GNAI2: variants seen among roughly 807,000 people sequenced by gnomAD.
GNAI2 encodes guanine nucleotide-binding protein G(i) subunit alpha-2.
A neutral mutation model predicts 36.8 loss-of-function variants in GNAI2; 4 were observed. The ratio of observed to expected loss-of-function variants is 0.11; its 90% confidence interval spans 0.05 to 0.25. GNAI2 has a LOEUF of 0.25. GNAI2 is among the 10% of genes least tolerant of loss of function. The pLI, the probability that GNAI2 is intolerant of heterozygous loss-of-function variation, is 1.00. For missense variants in GNAI2, 230 were observed against 481.3 expected (o/e 0.48, Z 4.89); for synonymous variants, 194 against 194.1 (o/e 1.00, Z 0.01).
chr3:50,233,850 A>G (rs1553700008), upstream of GNAI2, among the ~76,000 whole-genome samples: 1 of 151,470 alleles, frequency 6.6e-6, no homozygotes, highest in Non-Finnish European at 1.5e-5. Context: ...GAGAACAGCC[A>G]GCCTGGGGAT....
At chr3:50,229,936 G>A (rs1410249157), upstream of GNAI2, 1 of 152,282 alleles carries the variant, frequency 6.6e-6, no homozygotes, top group Non-Finnish European at 1.5e-5. Context: ...TGGTTGAACA[G>A]ATGACCCCTT....
At position 50,247,357 on chromosome 3, in the gene GNAI2, G is replaced by A. The variant is rs186599092; in HGVS notation, c.119-4743G>A. 5.3e-3 allele frequency among the ~76,000 whole-genome samples: 800 copies of A among 152,340 alleles called. 7 individuals are homozygous for A. Among genetic ancestry groups the A allele is most frequent in the African/African-American group, 0.018 (751 of 41,576 alleles). ...GGATCTGAAAATGGGAGGCAGGCTG[G>A]CTGGCTGCTTGAGGCTTGACAGCTC... On this transcript the variant is annotated intron_variant, in intron 1 of 8. Coordinates refer to ENST00000313601, the MANE Select transcript of GNAI2 (RefSeq NM_002070.4).
chr3:50,237,238 C>T (rs901458272), intron 1 of GNAI2, among the ~76,000 whole-genome samples: 1 of 152,218 alleles, frequency 6.6e-6, no homozygotes, highest in Non-Finnish European at 1.5e-5. Flanking sequence ...TATGCAGAAC[C>T]CCCACGGGGC....
In GNAI2 at chr3:50,242,511, G is replaced by C. The variant is rs1700320246; in HGVS notation, c.118+6058G>C. ...GTGTCCCTGGTACCTGATGCTCTCA[G>C]GCAGCCCTTCCCTCAGCTACAGGTG... On this transcript the variant is annotated intron_variant, in intron 1 of 8. Coordinates refer to ENST00000313601, the MANE Select transcript of GNAI2 (RefSeq NM_002070.4). This position sits in a 1 kb window ranked among gnomAD's most constrained non-coding sequence, Gnocchi z 4.8. Among the ~76,000 whole-genome samples, 2 of 152,100 alleles carry C rather than the reference G, an allele frequency of 1.3e-5. No individual in the cohort carries two copies. Among genetic ancestry groups the C allele is most frequent in the Non-Finnish European group, 2.9e-5 (2 of 68,014 alleles).
In GNAI2 at chr3:50,255,154, G is replaced by A. The variant is rs1290706017; in HGVS notation, c.465-1038G>A. Among the ~76,000 whole-genome samples, 1 of 152,194 alleles carries A rather than the reference G, an allele frequency of 6.6e-6. No individual in the cohort carries two copies. The highest frequency in any genetic ancestry group is 1.5e-5 in the Non-Finnish European group (1 of 68,036). ...TTTCCCTCTGGCCTGGTTTGGCCTG[G>A]GTGCTGGTGGGAGCCAAGGGCCAGC... On this transcript the variant is annotated intron_variant, in intron 4 of 8. Coordinates refer to ENST00000313601, the MANE Select transcript of GNAI2 (RefSeq NM_002070.4). This position sits in a 1 kb window ranked among gnomAD's most constrained non-coding sequence, Gnocchi z 4.0.
At chr3:50,248,726 A>G (rs1553702039) in intron 1 of GNAI2, among the ~76,000 whole-genome samples, 1 of 152,174 alleles carries the variant, frequency 6.6e-6, no homozygotes, top group East Asian at 1.9e-4. Flanking sequence ...CTTACCTGTC[A>G]AGTGGAACTC....
chr3:50,248,876 G>A (rs1373963687), intron 1 of GNAI2, among the ~76,000 whole-genome samples: 2 of 152,108 alleles, frequency 1.3e-5, no homozygotes, highest in African/African-American at 4.8e-5. Context: ...CTGGCTCCTA[G>A]TGTGACTGGC....
At chr3:50,237,883 A>C (rs1322787380) in intron 1 of GNAI2, among the ~76,000 whole-genome samples, 1 of 152,172 alleles carries the variant, frequency 6.6e-6, no homozygotes, top group Non-Finnish European at 1.5e-5. Context: ...AGGCTGTGAA[A>C]AGCAGGGCTT....
chr3:50,227,115 G>A, upstream of GNAI2: 1 of 1,361,870 alleles, frequency 7.3e-7, no homozygotes, highest in Admixed American at 3.3e-5. The surrounding 1 kb of genome is among the most constrained non-coding windows in gnomAD (Gnocchi z 5.9). Flanking sequence ...GAGAAGGAGG[G>A]AGCGTCTCAT....
At chr3:50,249,525 A>C (rs1182130983) in intron 1 of GNAI2, among the ~76,000 whole-genome samples, 9 of 152,160 alleles carry the variant, frequency 5.9e-5, no homozygotes, top group African/African-American at 2.2e-4. Context: ...ACCCCAGTGA[A>C]GATACTGGGC....
chr3:50,236,269 G>C lies in GNAI2; in HGVS notation c.-67G>C. ...GCTGGTGGTGGGAGCGGAGTGGGTCGGGCGGGGCCGAGCCGGGCCGTGGGC... is the reference window on the plus strand; with the variant it reads ...GCTGGTGGTGGGAGCGGAGTGGGTCCGGCGGGGCCGAGCCGGGCCGTGGGC... On this transcript the variant is annotated 5_prime_UTR_variant, in exon 1 of 9. Transcript: ENST00000313601. This position sits in a 1 kb window ranked among gnomAD's most constrained non-coding sequence, Gnocchi z 4.0. The C allele has an allele frequency of 8.1e-7, 1 of 1,227,070 alleles. No individual in the cohort carries two copies. The highest frequency in any genetic ancestry group is 1.6e-5 in the African/African-American group (1 of 63,050). 76.0% of individuals were successfully genotyped at this position (1,227,070 alleles called of 1,614,324 possible). A position where few individuals can be genotyped will look rare whatever the true frequency, so the allele number is the denominator to read the frequency against.
Position 50,258,889 on chromosome 3 carries a change from A to C in GNAI2, c.*546A>C, listed in dbSNP as rs1408710395. ...ATTCTCGTAGCTTTTTAAAAAAATG[A>C]AAGTAAAGGAAAAAAAAAAAACTGC... is the stretch of plus-strand genomic sequence containing the variant. On this transcript the variant is annotated 3_prime_UTR_variant, in exon 9 of 9. Coordinates refer to ENST00000313601, the MANE Select transcript of GNAI2 (RefSeq NM_002070.4). 6.8e-6 allele frequency: 3 copies of C among 438,880 alleles called. No individual in the cohort carries two copies. Among genetic ancestry groups the C allele is most frequent in the Non-Finnish European group, 1.3e-5 (3 of 223,348 alleles). The allele number at this position is 438,880 out of a possible 1,614,324, so 27.2% of individuals were successfully genotyped here.
chr3:50,254,096 C>G (rs1553702881), intron 4 of GNAI2, among the ~76,000 whole-genome samples: 1 of 152,052 alleles, frequency 6.6e-6, no homozygotes, highest in Non-Finnish European at 1.5e-5. Flanking sequence ...TGGCCCTAGG[C>G]TGAGGAATTA....
At chr3:50,232,194 G>A (rs1208041681), upstream of GNAI2, among the ~76,000 whole-genome samples, 3 of 152,170 alleles carry the variant, frequency 2.0e-5, no homozygotes, top group African/African-American at 7.2e-5. Flanking sequence ...GCCGGGTGTG[G>A]TGGCAGGCGC....
Position 50,252,452 on chromosome 3 carries a change from G to A in GNAI2, c.217G>A (p.Val73Ile), listed in dbSNP as rs1482595076. The A allele has an allele frequency of 2.5e-6, 4 of 1,613,578 alleles. No individual in the cohort carries two copies. Among genetic ancestry groups the A allele is most frequent in the Non-Finnish European group, 2.5e-6 (3 of 1,179,862 alleles). The change falls in exon 3 of 9, where the codon GTC becomes ATC. Residue 73 changes from valine to isoleucine, a missense_variant. Around this residue, in one of 4 missense-constraint regions of GNAI2, gnomAD observed 132 missense variants for 247.4 expected, o/e 0.53. Transcript: ENST00000313601. The surrounding 1 kb of genome is among the most constrained non-coding windows in gnomAD (Gnocchi z 4.1). The part of the protein sequence containing the change: ...EEECRQYRAV[V>I]YSNTIQSIMA... ...GGAATGCCGGCAGTACCGGGCGGTTGTCTACAGCAACACCATCCAGTCCAT... is the reference window on the plus strand; with the variant it reads ...GGAATGCCGGCAGTACCGGGCGGTTATCTACAGCAACACCATCCAGTCCAT...
upstream of GNAI2, among the ~76,000 whole-genome samples, chr3:50,234,062 A>ATTTTT (rs782209651): frequency 1.2e-5 from 1 of 82,496 alleles, no homozygotes; most frequent in Non-Finnish European, 2.4e-5. Flanking sequence ...CGCCCAGCTG[A>ATTTTT]TTTTTTTTTT....
At chr3:50,239,073 C>A (rs1700247195) in intron 1 of GNAI2, among the ~76,000 whole-genome samples, 1 of 152,176 alleles carries the variant, frequency 6.6e-6, no homozygotes, top group African/African-American at 2.4e-5. Flanking sequence ...TAGGGATGCT[C>A]CCCACTCCTA....
upstream of GNAI2, chr3:50,236,194 C>T (rs587692842): frequency 4.3e-6 from 5 of 1,175,720 alleles, no homozygotes; most frequent in South Asian, 4.2e-5. The surrounding 1 kb of genome is among the most constrained non-coding windows in gnomAD (Gnocchi z 4.0). Context: ...GTAGGGAAGG[C>T]GCCTCCCGCA....
At position 50,241,285 on chromosome 3, in the gene GNAI2, G is replaced by C. The variant is rs58051625; in HGVS notation, c.118+4832G>C. Reference sequence around the variant, plus strand: ...GCTGGAGCTCATTAGCACTTGAATGGGGGGCGGGGCGGCTTGGGCCTCTGA... The same window carrying C: ...GCTGGAGCTCATTAGCACTTGAATGCGGGGCGGGGCGGCTTGGGCCTCTGA... On this transcript the variant is annotated intron_variant, in intron 1 of 8. Coordinates refer to ENST00000313601, the MANE Select transcript of GNAI2 (RefSeq NM_002070.4). The surrounding 1 kb of genome is among the most constrained non-coding windows in gnomAD (Gnocchi z 5.0). 0.095 allele frequency among the ~76,000 whole-genome samples: 14,438 copies of C among 152,270 alleles called. 712 individuals are homozygous for C. Among genetic ancestry groups the C allele is most frequent in the Middle Eastern group, 0.11 (33 of 294 alleles).
Sources: allele counts gnomAD v4.1 joint callset (sites outside exome capture counted in the v4.1 genomes callset), GRCh38; gene constraint gnomAD v4.1.1; regional missense constraint gnomAD v4.1.1; non-coding constraint Gnocchi (gnomAD v3.1); transcripts MANE v1.5; gene names NCBI Gene and HGNC (gene_info 2026-07-23, HGNC 2026-07-21).